TGFB2: variants seen among roughly 807,000 people sequenced by gnomAD.
TGFB2 encodes the protein transforming growth factor beta 2, also known as transforming growth factor beta-2 proprotein.
Under a neutral mutation model 42.7 loss-of-function variants are expected in TGFB2, and 13 were observed. The ratio of observed to expected loss-of-function variants is 0.30; its 90% CI spans 0.20 to 0.48. The LOEUF (loss-of-function observed/expected upper bound fraction) is 0.48, where lower values mean the gene tolerates loss of function less well. TGFB2 is among the 20% of genes least tolerant of loss of function. TGFB2 has a pLI of 0.99. For missense variants in TGFB2, 390 were observed against 517.5 expected (o/e 0.75, Z 2.39); for synonymous variants, 193 against 193.6 (o/e 1.00, Z 0.03).
At chr1:218,355,544 G>T (rs189314406) in intron 1 of TGFB2, among the ~76,000 whole-genome samples, 285 of 152,304 alleles carry the variant, frequency 1.9e-3, no homozygotes, top group Non-Finnish European at 3.1e-3. Context: ...TATTTAAGTT[G>T]CTTCCTACCG....
chr1:218,352,431 A>G (rs1293247281), intron 1 of TGFB2, among the ~76,000 whole-genome samples: 1 of 152,182 alleles, frequency 6.6e-6, no homozygotes, highest in African/African-American at 2.4e-5. Context: ...ATTTTAAAAA[A>G]TATCCTTTAA....
At chr1:218,366,348 C>T (rs1344770693) in intron 1 of TGFB2, among the ~76,000 whole-genome samples, 1 of 152,040 alleles carries the variant, frequency 6.6e-6, no homozygotes, top group African/African-American at 2.4e-5. Context: ...TCTCTGTTGT[C>T]CAGGCTGGAG....
Position 218,362,926 on chromosome 1 carries a change from C to T in TGFB2, c.346+15879C>T, listed in dbSNP as rs1305232904. The stretch of plus-strand genomic sequence containing the variant: ...GGTTTTAAGAACACTGAAATCTAGG[C>T]CAGCCAAATGAAAACCAAAGTTTTA... On this transcript the variant is annotated intron_variant, in intron 1 of 6. Transcript: ENST00000366930. Among the ~76,000 whole-genome samples, 3 of 152,116 alleles carry T rather than the reference C, an allele frequency of 2.0e-5. No individual in the cohort carries two copies. In the East Asian group the frequency reaches 5.8e-4, roughly 29 times the overall value.
intron 1 of TGFB2, among the ~76,000 whole-genome samples, chr1:218,391,205 C>T (rs1166320797): frequency 6.6e-6 from 1 of 152,168 alleles, no homozygotes; most frequent in African/African-American, 2.4e-5. Flanking sequence ...TGAGTTCTGT[C>T]CCACTGGCCA....
intron 1 of TGFB2, among the ~76,000 whole-genome samples, chr1:218,397,974 C>G (rs965266557): frequency 6.6e-6 from 1 of 152,354 alleles, no homozygotes; most frequent in South Asian, 2.1e-4. Flanking sequence ...AAATCCCCCA[C>G]GAGGACACTG....
intron 5 of TGFB2, among the ~76,000 whole-genome samples, 191 bp downstream of exon 5, chr1:218,436,338 C>A (rs1659971576): frequency 6.6e-6 from 1 of 152,102 alleles, no homozygotes; most frequent in Admixed American, 6.6e-5. Context: ...AGCAGTGAAC[C>A]AAGTGTGAAG....
chr1:218,393,041 A>G (rs1658368404), intron 1 of TGFB2, among the ~76,000 whole-genome samples: 1 of 152,244 alleles, frequency 6.6e-6, no homozygotes, highest in African/African-American at 2.4e-5. Context: ...AGTACAAGAC[A>G]TGCATTGGCC....
chr1:218,384,208 T>C (rs1658056210), intron 1 of TGFB2, among the ~76,000 whole-genome samples: 3 of 152,242 alleles, frequency 2.0e-5, no homozygotes, highest in Admixed American at 2.0e-4. Context: ...TGTCACTCAT[T>C]ATTTTATTGG....
At chr1:218,427,302 A>G (rs951343794) in intron 2 of TGFB2, among the ~76,000 whole-genome samples, 21 of 151,034 alleles carry the variant, frequency 1.4e-4, no homozygotes, top group Non-Finnish European at 3.0e-4. Flanking sequence ...CTAACCTCTA[A>G]CCTCTATTCT....
chr1:218,441,438 G>A lies in TGFB2; in HGVS notation c.*76G>A, dbSNP rs1571907894. ...GATGACGACGACAACGATGATGCTT[G>A]TAACAAGAAAACATAAGAGAGCCTT... On this transcript the variant is annotated 3_prime_UTR_variant, in exon 7 of 7. Transcript: ENST00000366930. The A allele has an allele frequency of 5.4e-6, 8 of 1,468,182 alleles. No homozygotes were observed. Among genetic ancestry groups the A allele is most frequent in the Admixed American group, 2.4e-5 (1 of 41,664 alleles). 90.9% of individuals were successfully genotyped at this position (1,468,182 alleles called of 1,614,324 possible). A position where few individuals can be genotyped will look rare whatever the true frequency, so the allele number is the denominator to read the frequency against.
chr1:218,371,277 G>T (rs1258887268), intron 1 of TGFB2, among the ~76,000 whole-genome samples: 1 of 152,120 alleles, frequency 6.6e-6, no homozygotes. Flanking sequence ...CTCCAGCCTG[G>T]GCGATAGAGG....
intron 6 of TGFB2, 138 bp from the exon 7 acceptor site, chr1:218,441,066 G>A (rs1328329018): frequency 9.2e-6 from 7 of 761,550 alleles, no homozygotes; most frequent in Non-Finnish European, 1.4e-5. Context: ...TGTAATTTAG[G>A]AAATTAGCAA....
At chr1:218,348,917 A>G (rs1020102487) in intron 1 of TGFB2, among the ~76,000 whole-genome samples, 4 of 152,232 alleles carry the variant, frequency 2.6e-5, no homozygotes, top group Non-Finnish European at 1.5e-5. Flanking sequence ...AGGTGTGGAG[A>G]GAGCAAGTAA....
chr1:218,360,297 T>C (rs1208510195), intron 1 of TGFB2, among the ~76,000 whole-genome samples: 14 of 152,232 alleles, frequency 9.2e-5, no homozygotes, highest in Non-Finnish European at 8.8e-5. Context: ...CAGGCAAAAA[T>C]AAACCCCAAC....
intron 1 of TGFB2, among the ~76,000 whole-genome samples, chr1:218,404,051 CAAA>C (rs35450089): frequency 3.0e-5 from 3 of 99,760 alleles, no homozygotes; most frequent in Non-Finnish European, 4.1e-5. Flanking sequence ...TGGCAGATTA[CAAA>C]AAAAAAAAAA....
chr1:218,419,363 G>A (rs562463760), intron 2 of TGFB2, among the ~76,000 whole-genome samples: 55 of 152,286 alleles, frequency 3.6e-4, no homozygotes, highest in African/African-American at 1.3e-3. Context: ...GAGACCACCT[G>A]CTCAGGGAGA....
intron 2 of TGFB2, among the ~76,000 whole-genome samples, chr1:218,420,513 G>A (rs1237129219): frequency 6.6e-6 from 1 of 151,820 alleles, no homozygotes; most frequent in Non-Finnish European, 1.5e-5. Context: ...TTATGCACAT[G>A]TGCATTCAGC....
At chr1:218,408,058 A>G (rs1313215236) in intron 2 of TGFB2, among the ~76,000 whole-genome samples, 3 of 152,182 alleles carry the variant, frequency 2.0e-5, no homozygotes, top group Admixed American at 2.0e-4. Context: ...TTTGCTGACG[A>G]TAGCATCATA....
chr1:218,385,818 T>C (rs923808615), intron 1 of TGFB2, among the ~76,000 whole-genome samples: 2 of 152,284 alleles, frequency 1.3e-5, no homozygotes, highest in African/African-American at 2.4e-5. Flanking sequence ...ACTTCTCTAA[T>C]AAGCCTCAGT....
Sources: gnomAD v4.1 joint callset for allele counts (sites outside exome capture counted in the v4.1 genomes callset) on GRCh38, gnomAD v4.1.1 for gene constraint, MANE v1.5 for transcripts, NCBI Gene and HGNC (gene_info 2026-07-23, HGNC 2026-07-21) for gene names.